NCAM2: variants seen among roughly 807,000 people sequenced by gnomAD.
NCAM2 encodes neural cell adhesion molecule 2.
Under a neutral mutation model 98.1 loss-of-function variants are expected in NCAM2, and 30 were observed. That is an observed-to-expected ratio of 0.31 (90% CI 0.23 to 0.41). The LOEUF is 0.41. Among genes scored for constraint, NCAM2 ranks in the 10% least tolerant of loss-of-function variants. NCAM2 has a pLI of 1.00. For missense variants in NCAM2, 867 were observed against 1,005.8 expected, an observed-to-expected ratio of 0.86 and a Z score of 1.87; for synonymous variants, 368 against 342.4, an observed-to-expected ratio of 1.07 and a Z score of -0.83.
chr21:21,257,756 T>C (rs778287565), intron 1 of NCAM2, among the ~76,000 whole-genome samples: 4 of 152,156 alleles, frequency 2.6e-5, no homozygotes, highest in Non-Finnish European at 5.9e-5. Context: ...CTACTTTTTG[T>C]ATTTTTAGTA....
At chr21:21,529,464 T>C (rs1359742114) in intron 16 of NCAM2, among the ~76,000 whole-genome samples, 1 of 152,110 alleles carries the variant, frequency 6.6e-6, no homozygotes, top group Non-Finnish European at 1.5e-5. Flanking sequence ...AGTTAAACTT[T>C]CTATTAATTA....
At chr21:21,211,779 C>CCTTAT (rs773223958) in intron 1 of NCAM2, among the ~76,000 whole-genome samples, 207 of 152,276 alleles carry the variant, frequency 1.4e-3, no homozygotes, top group Non-Finnish European at 2.2e-3. Context: ...TTCCTTTGTT[C>CCTTAT]CTTATCTCCT....
chr21:21,477,832 A>C (rs1216447907), intron 15 of NCAM2, among the ~76,000 whole-genome samples: 3 of 152,162 alleles, frequency 2.0e-5, no homozygotes, highest in African/African-American at 7.2e-5. Context: ...TGATGATCCA[A>C]TTCTTGTTAG....
chr21:21,279,993 A>T (rs1171405510), intron 1 of NCAM2, among the ~76,000 whole-genome samples: 1 of 152,224 alleles, frequency 6.6e-6, no homozygotes, highest in African/African-American at 2.4e-5. Flanking sequence ...ATTTCACAAA[A>T]AAATTATTTA....
intron 12 of NCAM2, among the ~76,000 whole-genome samples, chr21:21,448,398 T>G (rs1980517324): frequency 6.6e-6 from 1 of 151,742 alleles, no homozygotes; most frequent in Admixed American, 6.6e-5. Flanking sequence ...GTTGAGTGTG[T>G]GGGGGCAAAA....
intron 15 of NCAM2, among the ~76,000 whole-genome samples, chr21:21,489,304 C>T (rs1986655140): frequency 1.3e-5 from 2 of 151,942 alleles, no homozygotes; most frequent in African/African-American, 4.8e-5. Flanking sequence ...CTCATGTTTT[C>T]ACTTTTTTAA....
intron 1 of NCAM2, among the ~76,000 whole-genome samples, chr21:21,272,162 G>A (rs561902151): frequency 3.9e-5 from 6 of 152,160 alleles, no homozygotes; most frequent in African/African-American, 1.4e-4. Flanking sequence ...AAGTATATTT[G>A]TTCTAGAGAT....
At chr21:21,413,660 G>A (rs1358427607) in intron 10 of NCAM2, among the ~76,000 whole-genome samples, 1 of 152,054 alleles carries the variant, frequency 6.6e-6, no homozygotes, top group African/African-American at 2.4e-5. Context: ...TGTATAAAAA[G>A]GTCTACATAA....
intron 9 of NCAM2, among the ~76,000 whole-genome samples, chr21:21,393,709 A>C (rs2076432336): frequency 6.6e-6 from 1 of 152,156 alleles, no homozygotes; most frequent in Non-Finnish European, 1.5e-5. Context: ...ATAACTCAGA[A>C]GTTTTTATGA....
At chr21:21,095,134 T>G (rs897143863) in intron 1 of NCAM2, among the ~76,000 whole-genome samples, 10 of 151,692 alleles carry the variant, frequency 6.6e-5, no homozygotes, top group Non-Finnish European at 1.2e-4. Context: ...TAGTAAATTA[T>G]GTATCAGTTC....
At chr21:21,181,328 C>T (rs1193039159) in intron 1 of NCAM2, among the ~76,000 whole-genome samples, 2 of 152,002 alleles carry the variant, frequency 1.3e-5, no homozygotes, top group Non-Finnish European at 2.9e-5. Context: ...TCTTTACCGA[C>T]TTACCATTTT....
intron 8 of NCAM2, among the ~76,000 whole-genome samples, chr21:21,354,833 ACTAAATGTT>A (rs2075428612): frequency 0.08 from 8 of 100 alleles, no homozygotes; most frequent in South Asian, 0.44. Flanking sequence ...AGTCCTTAGC[ACTAAATGTT>A]CTTTTAGGAT....
intron 12 of NCAM2, among the ~76,000 whole-genome samples, chr21:21,452,601 AT>A (rs1284414970): frequency 8.4e-6 from 1 of 118,640 alleles, no homozygotes; most frequent in Non-Finnish European, 1.6e-5. Flanking sequence ...TGTGCATATA[AT>A]TGTATATATA....
intron 1 of NCAM2, among the ~76,000 whole-genome samples, chr21:21,182,124 T>C (rs575997802): frequency 5.3e-5 from 8 of 152,216 alleles, no homozygotes; most frequent in African/African-American, 1.2e-4. Context: ...AGTAATAATT[T>C]TGAACAAATG....
chr21:21,482,957 G>T (rs1479768836), intron 15 of NCAM2, among the ~76,000 whole-genome samples: 1 of 151,808 alleles, frequency 6.6e-6, no homozygotes, highest in Non-Finnish European at 1.5e-5. Flanking sequence ...GTTATAAAAT[G>T]ACTACCAAAC....
At chr21:21,099,214 A>T (rs1191780201) in intron 1 of NCAM2, among the ~76,000 whole-genome samples, 1 of 151,922 alleles carries the variant, frequency 6.6e-6, no homozygotes, top group Non-Finnish European at 1.5e-5. Flanking sequence ...TAGATGCTGG[A>T]TCATGCCTTA....
intron 1 of NCAM2, among the ~76,000 whole-genome samples, chr21:21,104,760 T>C (rs1221920525): frequency 6.6e-6 from 1 of 152,130 alleles, no homozygotes; most frequent in East Asian, 1.9e-4. Context: ...TGTTCTTTCA[T>C]TGTACCAGGA....
chr21:21,194,890 T>G (rs542662623), intron 1 of NCAM2, among the ~76,000 whole-genome samples: 3 of 152,298 alleles, frequency 2.0e-5, no homozygotes, highest in Non-Finnish European at 2.9e-5. Context: ...GTTTGTACCC[T>G]TTGACCAACA....
At chr21:21,442,860 A>G (rs372222203) in intron 12 of NCAM2, among the ~76,000 whole-genome samples, 2 of 152,320 alleles carry the variant, frequency 1.3e-5, no homozygotes, top group African/African-American at 4.8e-5. Flanking sequence ...ATATGAGTCT[A>G]TGTTACTTGA....
Sources: gnomAD v4.1 joint callset for allele counts (sites outside exome capture counted in the v4.1 genomes callset) on GRCh38, gnomAD v4.1.1 for gene constraint, MANE v1.5 for transcripts, NCBI Gene and HGNC (gene_info 2026-07-23, HGNC 2026-07-21) for gene names.